CNTNAP2: variants seen among roughly 807,000 people sequenced by gnomAD.
CNTNAP2 encodes the protein contactin-associated protein-like 2.
In CNTNAP2, 98 loss-of-function variants were observed where a neutral mutation model predicts 155.2. That is an observed-to-expected ratio of 0.63 (90% CI 0.54 to 0.75). The LOEUF (loss-of-function observed/expected upper bound fraction) is 0.75. CNTNAP2 is among the 30% of genes least tolerant of loss of function. CNTNAP2 has a pLI of 0.00. For synonymous variants in CNTNAP2, 651 were observed against 631.2 expected (o/e 1.03, Z -0.47); for missense variants, 1,727 against 1,688.1 (o/e 1.02, Z -0.40).
intron 12 of CNTNAP2, among the ~76,000 whole-genome samples, chr7:147,575,825 T>C (rs1800387801): frequency 6.6e-6 from 1 of 151,970 alleles, no homozygotes; most frequent in Non-Finnish European, 1.5e-5. Flanking sequence ...TGAGAGGTAA[T>C]ATGATAAATT....
intron 1 of CNTNAP2, among the ~76,000 whole-genome samples, chr7:146,679,264 T>C (rs1205827079): frequency 2.0e-5 from 3 of 151,956 alleles, no homozygotes; most frequent in Admixed American, 2.0e-4. Flanking sequence ...AGGCAGTGTT[T>C]GGTTTTCTGT....
chr7:146,853,758 T>C (rs554743088), intron 3 of CNTNAP2, among the ~76,000 whole-genome samples: 1 of 152,186 alleles, frequency 6.6e-6, no homozygotes, highest in Admixed American at 6.5e-5. Flanking sequence ...TTTGTCCTGT[T>C]AAATGCTGGG....
intron 1 of CNTNAP2, among the ~76,000 whole-genome samples, chr7:146,151,674 A>T: frequency 2.4e-5 from 1 of 41,642 alleles, no homozygotes; most frequent in Non-Finnish European, 4.5e-5. Flanking sequence ...ATATATATAT[A>T]TATATATGTA....
chr7:147,690,196 C>T lies in CNTNAP2; in HGVS notation c.2098+50890C>T, dbSNP rs545330573. 7.2e-4 allele frequency among the ~76,000 whole-genome samples: 109 copies of T among 152,240 alleles called. 1 individual carries two copies. The highest frequency in any genetic ancestry group is 2.5e-3 in the African/African-American group (104 of 41,562). Reference sequence around the variant, plus strand: ...CCTGTTTCACTAACGTTACCTTGCTCGGCTGGCAGTTTCATTTCTCCAAAA... The same window carrying T: ...CCTGTTTCACTAACGTTACCTTGCTTGGCTGGCAGTTTCATTTCTCCAAAA... On this transcript the variant is annotated intron_variant, in intron 13 of 23. Transcript: ENST00000361727.
At chr7:148,405,753 C>T (rs77026405) in intron 22 of CNTNAP2, among the ~76,000 whole-genome samples, 2 of 150,822 alleles carry the variant, frequency 1.3e-5, no homozygotes, top group Admixed American at 1.3e-4. Context: ...GTAGCTGGGA[C>T]TACAGGCGCA....
At chr7:146,901,472 C>G (rs536765077) in intron 3 of CNTNAP2, among the ~76,000 whole-genome samples, 1 of 152,218 alleles carries the variant, frequency 6.6e-6, no homozygotes, top group South Asian at 2.1e-4. Context: ...TACACTTTGT[C>G]AATGTTCTAA....
rs71188974 is a variant in CNTNAP2, at chr7:148,351,744, C to CAA, written c.3476-31890_3476-31889dup. The stretch of plus-strand genomic sequence containing the variant: ...GGCAACAGAGTGAGACTCTGTCTCA[C>CAA]AAAAAAAAAAAAAAAATAGAAACCG... On this transcript the variant is annotated intron_variant, in intron 21 of 23. Coordinates refer to ENST00000361727, the MANE Select transcript of CNTNAP2 (RefSeq NM_014141.6). Among the ~76,000 whole-genome samples, 50 of 85,402 alleles carry CAA rather than the reference C, an allele frequency of 5.9e-4. 1 individual carries two copies. The highest frequency in any genetic ancestry group is 8.9e-3 in the Middle Eastern group (1 of 112). 56.0% of individuals were successfully genotyped at this position (85,402 alleles called of 152,430 possible).
chr7:146,768,485 A>T (rs1346889951), intron 1 of CNTNAP2, among the ~76,000 whole-genome samples: 3 of 151,750 alleles, frequency 2.0e-5, no homozygotes, highest in Non-Finnish European at 4.4e-5. Context: ...CAGGGGGTAG[A>T]TAAAAGACCT....
chr7:147,284,600 A>G (rs1805135109), intron 8 of CNTNAP2, among the ~76,000 whole-genome samples: 1 of 152,048 alleles, frequency 6.6e-6, no homozygotes, highest in Non-Finnish European at 1.5e-5. Context: ...CATTAATCAA[A>G]TGCCTATCAC....
chr7:147,520,874 AG>A (rs1799218917), intron 11 of CNTNAP2, among the ~76,000 whole-genome samples: 1 of 152,192 alleles, frequency 6.6e-6, no homozygotes, highest in African/African-American at 2.4e-5. Context: ...GTCCTCTGTC[AG>A]TCAGTCACTT....
chr7:148,172,881 A>G (rs1208016455), intron 18 of CNTNAP2, among the ~76,000 whole-genome samples: 2 of 152,124 alleles, frequency 1.3e-5, no homozygotes, highest in Non-Finnish European at 2.9e-5. Flanking sequence ...AGTGCACCCC[A>G]GTGGTCTTGA....
intron 1 of CNTNAP2, among the ~76,000 whole-genome samples, chr7:146,696,823 G>A (rs1161516028): frequency 2.0e-5 from 3 of 151,986 alleles, no homozygotes; most frequent in Non-Finnish European, 4.4e-5. Flanking sequence ...GGAATTTTCA[G>A]CTTCTTTTTA....
chr7:148,208,313 G>C (rs1260898287), intron 18 of CNTNAP2, among the ~76,000 whole-genome samples: 2 of 152,160 alleles, frequency 1.3e-5, no homozygotes, highest in African/African-American at 4.8e-5. Context: ...AGATTTGTGG[G>C]AAAGGATGAA....
chr7:147,063,468 T>A (rs1027111359), intron 4 of CNTNAP2, among the ~76,000 whole-genome samples: 1 of 152,118 alleles, frequency 6.6e-6, no homozygotes, highest in African/African-American at 2.4e-5. Context: ...ATTTTATAGA[T>A]GCATTTTTAA....
At chr7:146,882,512 T>G (rs941951418) in intron 3 of CNTNAP2, among the ~76,000 whole-genome samples, 1 of 149,186 alleles carries the variant, frequency 6.7e-6, no homozygotes, top group African/African-American at 2.6e-5. Context: ...CTTTCCCCCC[T>G]CTTCACCCTG....
At chr7:148,245,763 G>GT (rs1434719382) in intron 20 of CNTNAP2, among the ~76,000 whole-genome samples, 1 of 152,094 alleles carries the variant, frequency 6.6e-6, no homozygotes, top group African/African-American at 2.4e-5. Flanking sequence ...AGCCAATTGT[G>GT]TTAGAGCCTT....
At chr7:148,376,393 G>A (rs1174646034) in intron 21 of CNTNAP2, among the ~76,000 whole-genome samples, 1 of 66,248 alleles carries the variant, frequency 1.5e-5, no homozygotes, top group Non-Finnish European at 4.2e-5. Flanking sequence ...GGTGGTGTGC[G>A]CCTGTAGTCC....
At chr7:146,845,081 T>C (rs1803816171) in intron 3 of CNTNAP2, among the ~76,000 whole-genome samples, 1 of 152,218 alleles carries the variant, frequency 6.6e-6, no homozygotes, top group Non-Finnish European at 1.5e-5. Flanking sequence ...TACAAATGCA[T>C]ACACATAATT....
intron 2 of CNTNAP2, among the ~76,000 whole-genome samples, chr7:146,828,169 G>A (rs558168185): frequency 1.3e-5 from 2 of 151,866 alleles, no homozygotes; most frequent in Admixed American, 6.6e-5. Context: ...AACCAGGAGA[G>A]GTATTTATAG....
Sources: allele counts gnomAD v4.1 joint callset (sites outside exome capture counted in the v4.1 genomes callset), GRCh38; gene constraint gnomAD v4.1.1; transcripts MANE v1.5; gene names NCBI Gene and HGNC (gene_info 2026-07-23, HGNC 2026-07-21).